STARD13: variants seen among roughly 807,000 people sequenced by gnomAD.
STARD13 encodes stAR-related lipid transfer protein 13.
In STARD13, 62 loss-of-function variants were observed where a neutral mutation model predicts 106.4. The observed-to-expected ratio is 0.58, with a 90% CI of 0.48 to 0.72. The LOEUF (loss-of-function observed/expected upper bound fraction) is 0.72. Among genes scored for constraint, STARD13 ranks in the 30% least tolerant of loss-of-function variants. The pLI, the probability that STARD13 is intolerant of heterozygous loss-of-function variation, is 0.00. For missense variants in STARD13, 1,387 were observed against 1,424.0 expected (o/e 0.97, Z 0.42); for synonymous variants, 565 against 553.0 (o/e 1.02, Z -0.31).
At chr13:33,446,090 C>A in the STARD13 span, among the ~76,000 whole-genome samples, 1 of 151,878 alleles carries the variant, frequency 6.6e-6, no homozygotes, top group Admixed American at 6.6e-5. Flanking sequence ...ATTGCAGAGT[C>A]ATTTTGACAA....
chr13:33,549,307 A>G, the STARD13 span, among the ~76,000 whole-genome samples: 1 of 152,222 alleles, frequency 6.6e-6, no homozygotes. Flanking sequence ...ACTGAAATCA[A>G]GTAATACACA....
chr13:33,528,019 T>TAGACTGAAAGTTGTCTTTGACATTTATC, the STARD13 span, among the ~76,000 whole-genome samples: 2 of 151,042 alleles, frequency 1.3e-5, no homozygotes, highest in African/African-American at 4.8e-5. Context: ...GAGCCTAGCA[T>TAGACTGAAAGTTGTCTTTGACATTTATC]AGACTGAAAG....
At chr13:33,239,243 T>C (rs1889349626) in intron 1 of STARD13, among the ~76,000 whole-genome samples, 1 of 152,218 alleles carries the variant, frequency 6.6e-6, no homozygotes, top group South Asian at 2.1e-4. Flanking sequence ...TTCTACTTTA[T>C]GTATATACCA....
At chr13:33,630,224 A>G in the STARD13 span, among the ~76,000 whole-genome samples, 1 of 152,218 alleles carries the variant, frequency 6.6e-6, no homozygotes, top group Admixed American at 6.5e-5. Flanking sequence ...GCTGATCCAG[A>G]TTGCAAATTC....
chr13:33,314,286 CAT>C (rs757687326), intron 1 of STARD13, among the ~76,000 whole-genome samples: 1 of 152,120 alleles, frequency 6.6e-6, no homozygotes, highest in Non-Finnish European at 1.5e-5. Context: ...AGAGAAACTC[CAT>C]AGTGGGCAAA....
chr13:33,295,716 A>G (rs888406547), intron 1 of STARD13, among the ~76,000 whole-genome samples: 1 of 152,104 alleles, frequency 6.6e-6, no homozygotes. Flanking sequence ...GGGGGGGCAG[A>G]GGAGAGACGA....
the STARD13 span, among the ~76,000 whole-genome samples, chr13:33,582,819 T>C: frequency 6.6e-6 from 1 of 152,228 alleles, no homozygotes; most frequent in Non-Finnish European, 1.5e-5. Flanking sequence ...GAAATATTTT[T>C]ATTTTCAAAG....
the STARD13 span, among the ~76,000 whole-genome samples, chr13:33,633,942 TGACAACAA>T: frequency 6.6e-6 from 1 of 152,180 alleles, no homozygotes; most frequent in Admixed American, 6.5e-5. Flanking sequence ...GCCACAGAGA[TGACAACAA>T]GACCACATTT....
At chr13:33,138,410 C>CTTTTTTTTTTT (rs71196507) in intron 4 of STARD13, 3 of 122,792 alleles carry the variant, frequency 2.4e-5, no homozygotes, top group East Asian at 2.4e-4. Flanking sequence ...CACTGTTTGG[C>CTTTTTTTTTTT]TTTTTTTTTT....
At chr13:33,177,750 AAAAGGAAGGAAGGAAGG>A (rs1566051845) in intron 1 of STARD13, among the ~76,000 whole-genome samples, 1 of 66,478 alleles carries the variant, frequency 1.5e-5, no homozygotes. Context: ...AAGGAAGGAA[AAAAGGAAGGAAGGAAGG>A]AAAGGAAGGA....
At chr13:33,422,478 T>C in the STARD13 span, among the ~76,000 whole-genome samples, 3 of 152,306 alleles carry the variant, frequency 2.0e-5, no homozygotes, top group Admixed American at 6.5e-5. Context: ...TCCATGCTCA[T>C]GGATAGGAAG....
At chr13:33,650,155 G>A in the STARD13 span, among the ~76,000 whole-genome samples, 2 of 119,452 alleles carry the variant, frequency 1.7e-5, no homozygotes, top group Admixed American at 2.0e-4. Context: ...TGAATGTGAC[G>A]TGACTCCAAT....
chr13:33,567,286 C>G, the STARD13 span, among the ~76,000 whole-genome samples: 2 of 148,292 alleles, frequency 1.3e-5, 1 homozygote, highest in South Asian at 4.3e-4. Flanking sequence ...CTGGAGAGGA[C>G]AGTAAAGAAT....
At chr13:33,215,989 T>C (rs1888017018) in intron 1 of STARD13, among the ~76,000 whole-genome samples, 1 of 152,128 alleles carries the variant, frequency 6.6e-6, no homozygotes, top group Non-Finnish European at 1.5e-5. Flanking sequence ...GATCAGGGAA[T>C]GCAAATCTTA....
the STARD13 span, among the ~76,000 whole-genome samples, chr13:33,523,801 T>G: frequency 2.6e-5 from 4 of 152,136 alleles, no homozygotes; most frequent in African/African-American, 9.6e-5. Context: ...TAGTAGCTGA[T>G]GTTTTCTAGA....
At chr13:33,396,537 A>G in the STARD13 span, among the ~76,000 whole-genome samples, 1 of 152,190 alleles carries the variant, frequency 6.6e-6, no homozygotes, top group African/African-American at 2.4e-5. Context: ...CACACATAGT[A>G]AAGGAAACAT....
the STARD13 span, among the ~76,000 whole-genome samples, chr13:33,633,404 C>T: frequency 6.6e-6 from 1 of 152,126 alleles, no homozygotes; most frequent in East Asian, 1.9e-4. Context: ...CACAAAGAAA[C>T]AACATATACT....
chr13:33,475,414 T>A, the STARD13 span, among the ~76,000 whole-genome samples: 1 of 152,194 alleles, frequency 6.6e-6, no homozygotes, highest in Non-Finnish European at 1.5e-5. Context: ...CTGTGGATAC[T>A]CATTTTGTGT....
the STARD13 span, among the ~76,000 whole-genome samples, chr13:33,620,070 A>AG: frequency 6.6e-6 from 1 of 152,126 alleles, no homozygotes; most frequent in Non-Finnish European, 1.5e-5. Flanking sequence ...AGAAAAAAAA[A>AG]GAGTGGGTGG....
Sources: allele counts gnomAD v4.1 joint callset (sites outside exome capture counted in the v4.1 genomes callset), GRCh38; gene constraint gnomAD v4.1.1; transcripts MANE v1.5; gene names NCBI Gene and HGNC (gene_info 2026-07-23, HGNC 2026-07-21).